The following IDH3A variants were observed in gnomAD, a reference collection of about 807,000 sequenced individuals.
IDH3A encodes the protein isocitrate dehydrogenase (NAD(+)) 3 catalytic subunit alpha, also known as isocitrate dehydrogenase [NAD] subunit alpha, mitochondrial.
IDH3A carries 23 observed loss-of-function variants against 43.3 expected under a neutral mutation model. The observed-to-expected ratio is 0.53, with a 90% CI of 0.38 to 0.75. IDH3A has a LOEUF of 0.75. Ranked by LOEUF, IDH3A falls within the 30% of genes least tolerant of loss-of-function variation. The pLI is 0.00. For synonymous variants in IDH3A, 154 were observed against 163.5 expected, an observed-to-expected ratio of 0.94 and a Z score of 0.44; for missense variants, 329 against 474.4, an observed-to-expected ratio of 0.69 and a Z score of 2.85.
At chr15:78,162,659 C>T (rs1017815374) in intron 6 of IDH3A, among the ~76,000 whole-genome samples, 1 of 151,558 alleles carries the variant, frequency 6.6e-6, no homozygotes, top group Non-Finnish European at 1.5e-5. Flanking sequence ...AATTCTCTTG[C>T]CTCAGCTTCC....
At chr15:78,166,888 T>TC (rs139732845) in intron 10 of IDH3A, among the ~76,000 whole-genome samples, 10,458 of 152,232 alleles carry the variant, frequency 0.069, 449 homozygotes, top group African/African-American at 0.12. Flanking sequence ...CGCCCCAGCC[T>TC]CCCAAAGTGC....
Position 78,161,657 on chromosome 15 carries a change from G to T in IDH3A, c.366G>T (p.Ala122=), listed in dbSNP as rs1451847265. ...LLLRKTFDLY[A]NVRPCVSIEG... ...TGCGCAAAACATTTGACCTTTACGCGAATGTCCGACCATGTGTCTCTATCG... is the reference window on the plus strand; with the variant it reads ...TGCGCAAAACATTTGACCTTTACGCTAATGTCCGACCATGTGTCTCTATCG... Residue 122 remains alanine (A), a synonymous_variant, in exon 5 of 11, where the codon GCG becomes GCT. Coordinates refer to ENST00000299518, the MANE Select transcript of IDH3A (RefSeq NM_005530.3). The surrounding 1 kb of genome is among the most constrained non-coding windows in gnomAD (Gnocchi z 4.8). The T allele has an allele frequency of 6.2e-7, 1 of 1,614,114 alleles. No homozygotes were observed. The highest frequency in any genetic ancestry group is 8.5e-7 in the Non-Finnish European group (1 of 1,179,988).
At position 78,160,102 on chromosome 15, in the gene IDH3A, A is replaced by T. The variant is rs140354372; in HGVS notation, c.185A>T (p.Gln62Leu). ...TGATGTGGCATCTAGGCACCTATTCAGTGGGAGGAGCGGAACGTCACTGCC... is the reference window on the plus strand; with the variant it reads ...TGATGTGGCATCTAGGCACCTATTCTGTGGGAGGAGCGGAACGTCACTGCC... The part of the protein sequence containing the change: ...KIFDAAKAPI[Q>L]WEERNVTAIQ... The change falls in exon 4 of 11, where the codon CAG (glutamine) becomes CTG (leucine). Residue 62 changes from glutamine to leucine, a missense_variant. Physicochemically the swap from Gln to Leu is moderately radical, Grantham distance 113. This residue lies in a region of IDH3A where 212 missense variants were observed against 345.5 expected (regional missense o/e 0.61). Coordinates refer to ENST00000299518, the MANE Select transcript of IDH3A (RefSeq NM_005530.3). 26 of 1,606,332 alleles carry T rather than the reference A, an allele frequency of 1.6e-5. No homozygotes were observed. In the African/African-American group the frequency reaches 3.3e-4, roughly 21 times the overall value.
intron 1 of IDH3A, among the ~76,000 whole-genome samples, chr15:78,154,064 CT>C (rs1042695124): frequency 6.6e-6 from 1 of 151,558 alleles, no homozygotes; most frequent in Non-Finnish European, 1.5e-5. Flanking sequence ...TACCCAGTTT[CT>C]TTTTTTATAT....
rs2074803251 is a variant in IDH3A at position 78,170,225 on chromosome 15, A to C, written c.*1220A>C. Reference sequence around the variant, plus strand: ...TCCTCTGCTGCAGCATGATTTTCTTAATCTTCAGACACTCACTATTTTCAT... The same window carrying C: ...TCCTCTGCTGCAGCATGATTTTCTTCATCTTCAGACACTCACTATTTTCAT... On this transcript the variant is annotated 3_prime_UTR_variant, in exon 11 of 11. Coordinates refer to ENST00000299518, the MANE Select transcript of IDH3A (RefSeq NM_005530.3). The C allele has an allele frequency of 6.6e-6, 1 of 151,940 alleles. No individual in the cohort carries two copies. Among genetic ancestry groups the C allele is most frequent in the South Asian group, 2.1e-4 (1 of 4,810 alleles). 9.4% of individuals were successfully genotyped at this position (151,940 alleles called of 1,614,324 possible). A position where few individuals can be genotyped will look rare whatever the true frequency, so the allele number is the denominator to read the frequency against.
intron 1 of IDH3A, among the ~76,000 whole-genome samples, chr15:78,154,205 A>T (rs901228005): frequency 6.9e-5 from 9 of 130,342 alleles, no homozygotes; most frequent in Admixed American, 5.8e-4. Flanking sequence ...AAAAAAAAAC[A>T]CGTACCAGTG....
chr15:78,162,269 C>A lies in IDH3A; in HGVS notation c.513C>A (p.Ile171=), dbSNP rs576244159. The change falls in exon 6 of 11, where the codon ATC becomes ATA. Residue 171 remains isoleucine, a synonymous_variant. Coordinates refer to ENST00000299518, the MANE Select transcript of IDH3A (RefSeq NM_005530.3). Reference sequence around the variant, plus strand: ...GAGTCGTGCAGAGTATCAAGCTCATCACCGAGGGGGCGAGCAAGCGCATTG... The same window carrying A: ...GAGTCGTGCAGAGTATCAAGCTCATAACCGAGGGGGCGAGCAAGCGCATTG... ...VDGVVQSIKL[I]TEGASKRIAE... 1 of 1,614,214 alleles carries A rather than the reference C, an allele frequency of 6.2e-7. No individual in the cohort carries two copies. The highest frequency in any genetic ancestry group is 1.1e-5 in the South Asian group (1 of 91,084).
chr15:78,155,705 G>A (rs559048769), intron 2 of IDH3A: 54 of 166,160 alleles, frequency 3.2e-4, no homozygotes, highest in Non-Finnish European at 5.5e-4. Flanking sequence ...GGAATGCCTC[G>A]AACATCTATA....
At chr15:78,156,873 G>A (rs1368565695) in intron 2 of IDH3A, 28 of 1,343,908 alleles carry the variant, frequency 2.1e-5, no homozygotes, top group Non-Finnish European at 2.7e-5. Context: ...AGGCTTTGCA[G>A]GTATGATGAC....
At chr15:78,166,607 A>G (rs2074745978) in intron 10 of IDH3A, 1 of 310,284 alleles carries the variant, frequency 3.2e-6, no homozygotes, top group East Asian at 6.7e-5. Context: ...CAATTATCCT[A>G]TTGTTAGCTG....
intron 3 of IDH3A, among the ~76,000 whole-genome samples, chr15:78,159,572 G>T (rs2044098): frequency 0.4 from 61,163 of 151,978 alleles, 12,905 homozygotes; most frequent in African/African-American, 0.47. Flanking sequence ...TGGGCAGGTG[G>T]TAGCTGGGAG....
In IDH3A at chr15:78,169,031, A is replaced by G; in HGVS notation, c.*26A>G. The stretch of plus-strand genomic sequence containing the variant: ...CACTTCTACAACTGGCATTTACATC[A>G]GTCACTCTAAATGGACACCACATGA... On this transcript the variant is annotated 3_prime_UTR_variant, in exon 11 of 11. Transcript: ENST00000299518. 4.9e-6 allele frequency: 7 copies of G among 1,435,080 alleles called. No homozygotes were observed. Among genetic ancestry groups the G allele is most frequent in the Non-Finnish European group, 6.9e-6 (7 of 1,020,178 alleles). The allele number at this position is 1,435,080 out of a possible 1,614,324, so 88.9% of individuals were successfully genotyped here.
intron 6 of IDH3A, among the ~76,000 whole-genome samples, chr15:78,163,125 A>G (rs1157444615): frequency 6.6e-6 from 1 of 152,250 alleles, no homozygotes; most frequent in East Asian, 1.9e-4. Flanking sequence ...CTCTGAATAT[A>G]TTAACAGTTT....
chr15:78,150,297 A>T (rs917765531), intron 1 of IDH3A, among the ~76,000 whole-genome samples: 1 of 152,208 alleles, frequency 6.6e-6, no homozygotes, highest in Non-Finnish European at 1.5e-5. Context: ...GAGCAGGGAG[A>T]GGAACCTAGG....
Position 78,171,343 on chromosome 15 carries a change from TG to T in IDH3A, c.*2340del. ...CCCTGACCTGGAGATCTAACAGACT[TG>T]GCAGAAATGCCTGTGCCCAGACTGA... is the stretch of plus-strand genomic sequence containing the variant. On this transcript the variant is annotated 3_prime_UTR_variant, in exon 11 of 11. Coordinates refer to ENST00000299518, the MANE Select transcript of IDH3A (RefSeq NM_005530.3). 1 of 925,666 alleles carries T rather than the reference TG, an allele frequency of 1.1e-6. No homozygotes were observed. The highest frequency in any genetic ancestry group is 1.6e-5 in the South Asian group (1 of 64,198). The allele number at this position is 925,666 out of a possible 1,614,324, so 57.3% of individuals were successfully genotyped here.
chr15:78,160,691 A>C (rs1036124927), intron 4 of IDH3A, among the ~76,000 whole-genome samples: 33 of 152,236 alleles, frequency 2.2e-4, no homozygotes, highest in African/African-American at 7.9e-4. Flanking sequence ...ATGGGGTCTC[A>C]CTATGTTTCC....
rs1467106576 is a variant in IDH3A at position 78,171,554 on chromosome 15, A to T, written c.*2549A>T. The T allele has an allele frequency of 6.3e-7, 1 of 1,585,018 alleles. No individual in the cohort carries two copies. Among genetic ancestry groups the T allele is most frequent in the East Asian group, 2.2e-5 (1 of 44,702 alleles). On this transcript the variant is annotated 3_prime_UTR_variant, in exon 11 of 11. Coordinates refer to ENST00000299518, the MANE Select transcript of IDH3A (RefSeq NM_005530.3). ...CCTAAAAGGGAAATGAGAAGAAATG[A>T]GTGAGGCCCAGGCTCTGAGAACTCT...
chr15:78,163,016 C>T (rs566162003), intron 6 of IDH3A, among the ~76,000 whole-genome samples: 13 of 152,270 alleles, frequency 8.5e-5, no homozygotes, highest in African/African-American at 3.1e-4. Context: ...ACATAGCGTA[C>T]GTTTTAGAAG....
chr15:78,168,861 T>C (rs1443891250), intron 10 of IDH3A, 61 bp from the exon 11 acceptor site: 1 of 1,106,892 alleles, frequency 9.0e-7, no homozygotes, highest in African/African-American at 1.5e-5. Context: ...GGCTTTAAAA[T>C]CTCCTTGGTT....
Sources: allele counts gnomAD v4.1 joint callset (sites outside exome capture counted in the v4.1 genomes callset), GRCh38; gene constraint gnomAD v4.1.1; regional missense constraint gnomAD v4.1.1; non-coding constraint Gnocchi (gnomAD v3.1); transcripts MANE v1.5; gene names NCBI Gene and HGNC (gene_info 2026-07-23, HGNC 2026-07-21).